The following RAB11FIP3 variants were observed in gnomAD, a reference collection of about 807,000 sequenced individuals.
The protein encoded by RAB11FIP3 is rab11 family-interacting protein 3.
Under a neutral mutation model 77.8 loss-of-function variants are expected in RAB11FIP3, and 17 were observed. The ratio of observed to expected loss-of-function variants is 0.22; its 90% confidence interval spans 0.15 to 0.33. The LOEUF (loss-of-function observed/expected upper bound fraction) is 0.33. RAB11FIP3 is among the 10% of genes least tolerant of loss of function. The pLI is 1.00. For missense variants in RAB11FIP3, 1,005 were observed against 1,011.2 expected (o/e 0.99, Z 0.08); for synonymous variants, 437 against 448.2 (o/e 0.98, Z 0.31).
At chr16:508,450 G>A (rs951593782) in intron 8 of RAB11FIP3, among the ~76,000 whole-genome samples, 3 of 152,060 alleles carry the variant, frequency 2.0e-5, no homozygotes, top group African/African-American at 2.4e-5. Context: ...CTCCGCTCAC[G>A]GCAACCTCCG....
intron 4 of RAB11FIP3, among the ~76,000 whole-genome samples, chr16:487,987 G>A (rs1002634742): frequency 1.3e-5 from 2 of 152,196 alleles, no homozygotes; most frequent in African/African-American, 2.4e-5. Flanking sequence ...CCTGTGTGGG[G>A]CTGCGGAACT....
At chr16:520,090 GC>G in intron 11 of RAB11FIP3, 31 bp from the exon 12 acceptor site, 6 of 1,540,060 alleles carry the variant, frequency 3.9e-6, no homozygotes, top group Non-Finnish European at 2.6e-6. Context: ...GGGAGCCCAG[GC>G]CCCCCGGCTC....
rs898841156 is a variant in RAB11FIP3, at chr16:505,055, C to T, written c.1396-469C>T. The stretch of plus-strand genomic sequence containing the variant: ...CTGACCCAGGCCAAGTCCTCCTCTG[C>T]TCCCTTCACTCCTTCTCCTACCTCC... On this transcript the variant is annotated intron_variant, in intron 7 of 13. Coordinates refer to ENST00000262305, the MANE Select transcript of RAB11FIP3 (RefSeq NM_014700.4). This position sits in a 1 kb window ranked among gnomAD's most constrained non-coding sequence, Gnocchi z 4.0. Among the ~76,000 whole-genome samples the T allele has an allele frequency of 2.7e-5, 4 of 149,978 alleles. No individual in the cohort carries two copies. The highest frequency in any genetic ancestry group is 7.4e-5 in the African/African-American group (3 of 40,498).
At chr16:517,805 G>A (rs1008097081) in intron 9 of RAB11FIP3, among the ~76,000 whole-genome samples, 3 of 152,024 alleles carry the variant, frequency 2.0e-5, no homozygotes, top group African/African-American at 4.8e-5. Context: ...GATCTTGGCC[G>A]GGCGCGGTGG....
intron 5 of RAB11FIP3, among the ~76,000 whole-genome samples, chr16:490,000 T>C (rs1371269484): frequency 6.6e-6 from 1 of 152,172 alleles, no homozygotes; most frequent in African/African-American, 2.4e-5. Context: ...CAGCGCGTGG[T>C]GGTGTCAAGA....
chr16:475,062 G>A, intron 3 of RAB11FIP3: 2 of 1,551,612 alleles, frequency 1.3e-6, no homozygotes, highest in Non-Finnish European at 1.7e-6. Flanking sequence ...ACAGAGCCAG[G>A]CCCAGCCTGT....
At chr16:492,000 A>G (rs1030758667) in intron 5 of RAB11FIP3, among the ~76,000 whole-genome samples, 2 of 152,164 alleles carry the variant, frequency 1.3e-5, no homozygotes, top group African/African-American at 4.8e-5. Context: ...GAGGGTTTGT[A>G]AAGGTGGCAG....
At chr16:431,257 C>A (rs1480899446) in intron 1 of RAB11FIP3, among the ~76,000 whole-genome samples, 2 of 151,974 alleles carry the variant, frequency 1.3e-5, no homozygotes, top group Non-Finnish European at 2.9e-5. Context: ...TATTCTGGGT[C>A]TACATGCTGA....
chr16:455,334 C>T lies in RAB11FIP3; in HGVS notation c.715-6070C>T, dbSNP rs542191313. ...GTCTCTACTACAAAAATCAGCCGGG[C>T]GTGGTGGCACGTGCCTGTCATGCCA... On this transcript the variant is annotated intron_variant, in intron 1 of 13. Transcript: ENST00000262305. Among the ~76,000 whole-genome samples the T allele has an allele frequency of 4.7e-3, 709 of 151,766 alleles. 2 individuals are homozygous for T. The highest frequency in any genetic ancestry group is 0.016 in the African/African-American group (666 of 41,368).
chr16:482,480 C>T (rs1278063768), intron 3 of RAB11FIP3, 45 bp from the exon 4 acceptor site: 2 of 1,580,796 alleles, frequency 1.3e-6, no homozygotes, highest in Non-Finnish European at 1.7e-6. Flanking sequence ...TTCGCAGTTC[C>T]CCTCCCAGCT....
At chr16:520,435 G>A in intron 12 of RAB11FIP3, 24 bp from the exon 13 acceptor site, 2 of 1,612,618 alleles carry the variant, frequency 1.2e-6, no homozygotes, top group African/African-American at 1.3e-5. Flanking sequence ...CCACAGCCCA[G>A]TAGTGATGTT....
At chr16:428,150 A>C (rs948388312) in intron 1 of RAB11FIP3, among the ~76,000 whole-genome samples, 10 of 152,072 alleles carry the variant, frequency 6.6e-5, no homozygotes, top group African/African-American at 2.4e-4. Flanking sequence ...CTGATAAATC[A>C]GGGTTCCTTG....
intron 2 of RAB11FIP3, among the ~76,000 whole-genome samples, chr16:468,955 T>C (rs1441994803): frequency 6.6e-6 from 1 of 152,244 alleles, no homozygotes; most frequent in East Asian, 1.9e-4. Context: ...TCATGCGCTG[T>C]GTCCAAAATG....
chr16:494,667 G>A (rs940142474), intron 5 of RAB11FIP3, among the ~76,000 whole-genome samples: 14 of 152,206 alleles, frequency 9.2e-5, no homozygotes, highest in South Asian at 4.2e-4. Flanking sequence ...GTCTCCAGTC[G>A]AGAAAGGAGA....
chr16:429,974 G>C (rs2055010427), intron 1 of RAB11FIP3, among the ~76,000 whole-genome samples: 1 of 152,082 alleles, frequency 6.6e-6, no homozygotes, highest in African/African-American at 2.4e-5. Context: ...GCAATGTCAT[G>C]GTGTGTTTGG....
At chr16:436,234 G>T (rs1015615412) in intron 1 of RAB11FIP3, among the ~76,000 whole-genome samples, 3 of 152,126 alleles carry the variant, frequency 2.0e-5, no homozygotes, top group Non-Finnish European at 2.9e-5. Flanking sequence ...GCTTGAATCC[G>T]AGAGGCGGAG....
chr16:444,220 T>C (rs559449534), intron 1 of RAB11FIP3, among the ~76,000 whole-genome samples: 2 of 152,260 alleles, frequency 1.3e-5, no homozygotes, highest in East Asian at 3.9e-4. Flanking sequence ...GTTTCAGATA[T>C]AGGCCATCAG....
intron 7 of RAB11FIP3, among the ~76,000 whole-genome samples, chr16:503,756 T>C (rs2031659129): frequency 6.6e-6 from 1 of 151,996 alleles, no homozygotes; most frequent in Non-Finnish European, 1.5e-5. Flanking sequence ...GGCGGGCAAC[T>C]GTAATCCCAG....
chr16:500,753 T>C (rs1435637986), intron 6 of RAB11FIP3, among the ~76,000 whole-genome samples: 3 of 142,532 alleles, frequency 2.1e-5, no homozygotes, highest in Non-Finnish European at 4.5e-5. Flanking sequence ...GCATGACCCA[T>C]GCTGAGGACC....
Sources: allele counts gnomAD v4.1 joint callset (sites outside exome capture counted in the v4.1 genomes callset), GRCh38; gene constraint gnomAD v4.1.1; non-coding constraint Gnocchi (gnomAD v3.1); transcripts MANE v1.5; gene names NCBI Gene and HGNC (gene_info 2026-07-23, HGNC 2026-07-21).